TSGA10: variants seen among roughly 807,000 people sequenced by gnomAD.
The protein encoded by TSGA10 is testis-specific gene 10 protein.
In TSGA10, 43 loss-of-function variants were observed where a neutral mutation model predicts 96.6. The ratio of observed to expected loss-of-function variants is 0.44; its 90% CI spans 0.35 to 0.57. The LOEUF is 0.57. TSGA10 is among the 20% of genes least tolerant of loss of function. The pLI, the probability that TSGA10 is intolerant of heterozygous loss-of-function variation, is 0.01. For synonymous variants in TSGA10, 229 were observed against 269.9 expected, an observed-to-expected ratio of 0.85 and a Z score of 1.48; for missense variants, 703 against 834.4, an observed-to-expected ratio of 0.84 and a Z score of 1.94.
intron 15 of TSGA10, among the ~76,000 whole-genome samples, chr2:99,065,678 T>G (rs1049576462): frequency 4.6e-5 from 7 of 152,232 alleles, no homozygotes; most frequent in Admixed American, 6.5e-5. Flanking sequence ...ATGATTATCT[T>G]TTACCTGCTA....
intron 1 of TSGA10, among the ~76,000 whole-genome samples, chr2:99,129,622 T>C (rs946553395): frequency 1.3e-5 from 2 of 152,210 alleles, no homozygotes; most frequent in Non-Finnish European, 2.9e-5. Context: ...CCATGCCTGG[T>C]CTGCCAGCTT....
At chr2:99,149,204 C>T (rs1032821941) in intron 1 of TSGA10, among the ~76,000 whole-genome samples, 1 of 150,444 alleles carries the variant, frequency 6.6e-6, no homozygotes, top group Admixed American at 6.6e-5. Context: ...GGATTTCGAT[C>T]GAAGCTGTGG....
intron 6 of TSGA10, among the ~76,000 whole-genome samples, 193 bp downstream of exon 6, chr2:99,109,196 T>C (rs1459976671): frequency 6.6e-6 from 1 of 152,228 alleles, no homozygotes; most frequent in Non-Finnish European, 1.5e-5. Context: ...TCCCAAGTGC[T>C]AATTATGCTG....
At chr2:99,053,795 A>G (rs1573895204) in intron 16 of TSGA10, among the ~76,000 whole-genome samples, 1 of 152,208 alleles carries the variant, frequency 6.6e-6, no homozygotes, top group East Asian at 1.9e-4. Flanking sequence ...AATAAAATCA[A>G]TAAAACAATC....
At chr2:99,005,189 C>T (rs2104820106) in intron 20 of TSGA10, among the ~76,000 whole-genome samples, 1 of 152,298 alleles carries the variant, frequency 6.6e-6, no homozygotes, top group African/African-American at 2.4e-5. Context: ...CAGTATCATA[C>T]TGAATGGGCA....
intron 15 of TSGA10, among the ~76,000 whole-genome samples, chr2:99,065,898 GA>G (rs796622502): frequency 6.6e-6 from 1 of 152,020 alleles, no homozygotes; most frequent in Non-Finnish European, 1.5e-5. Context: ...AATAAGGAGG[GA>G]AAAAAATTCA....
At chr2:99,063,265 A>G (rs564585402) in intron 16 of TSGA10, among the ~76,000 whole-genome samples, 8 of 152,226 alleles carry the variant, frequency 5.3e-5, no homozygotes, top group Non-Finnish European at 1.2e-4. Flanking sequence ...AAACATTTAG[A>G]AGAACTTTTA....
Position 99,044,534 on chromosome 2 carries a change from C to T in TSGA10, c.1405-9095G>A, listed in dbSNP as rs1022692020. ...TACAGGAACACCCAGATTCATAAAA[C>T]AAGTTCTTAAAGACCTATGAGAGAC... On this transcript the variant is annotated intron_variant, in intron 16 of 20. Coordinates refer to ENST00000393483, the MANE Select transcript of TSGA10 (RefSeq NM_025244.4). 2.6e-5 allele frequency among the ~76,000 whole-genome samples: 4 copies of T among 152,086 alleles called. No homozygotes were observed. The East Asian group carries it at 5.8e-4, about 22-fold the overall frequency.
chr2:99,073,995 CTTTTCTTTTTTTTTTTT>C (rs1251545300), intron 12 of TSGA10, among the ~76,000 whole-genome samples: 4 of 36,138 alleles, frequency 1.1e-4, no homozygotes, highest in Non-Finnish European at 1.9e-4. Context: ...GTTCCTGTTT[CTTTTCTTTTTTTTTTTT>C]TTTTTTTTTT....
rs375324514 is a variant in TSGA10 at position 98,998,176 on chromosome 2, T to A, written c.*21A>T. 7 of 1,595,038 alleles carry A rather than the reference T, an allele frequency of 4.4e-6. No individual in the cohort carries two copies. The highest frequency in any genetic ancestry group is 6.0e-6 in the Non-Finnish European group (7 of 1,173,294). On this transcript the variant is annotated 3_prime_UTR_variant, in exon 21 of 21. Transcript: ENST00000393483. ...TTGTAACTTTGACCTTTCTCAGGGA[T>A]GTGAAGAATCATTTCAGGTGTCAGA...
At chr2:99,042,581 T>C (rs1226517183) in intron 16 of TSGA10, among the ~76,000 whole-genome samples, 1 of 152,178 alleles carries the variant, frequency 6.6e-6, no homozygotes, top group Non-Finnish European at 1.5e-5. Flanking sequence ...CAGGAGCAGA[T>C]CTCTTACAAC....
chr2:99,064,860 A>G (rs1429687861), intron 16 of TSGA10, 79 bp downstream of exon 16: 2 of 1,240,840 alleles, frequency 1.6e-6, no homozygotes, highest in Non-Finnish European at 2.2e-6. Context: ...TTGTTCATAC[A>G]TTTAATTTAT....
chr2:99,103,428 C>A (rs559943330), intron 10 of TSGA10, among the ~76,000 whole-genome samples: 17 of 152,222 alleles, frequency 1.1e-4, no homozygotes, highest in Non-Finnish European at 2.5e-4. Flanking sequence ...AAGCTTATTG[C>A]TGTAGGCTGC....
At chr2:99,005,272 C>T (rs1301092666) in intron 20 of TSGA10, among the ~76,000 whole-genome samples, 2 of 152,096 alleles carry the variant, frequency 1.3e-5, no homozygotes, top group Admixed American at 1.3e-4. Context: ...ATTCAACATT[C>T]TGTTGGAAGT....
intron 16 of TSGA10, among the ~76,000 whole-genome samples, chr2:99,043,174 A>AT (rs1260998868): frequency 2.6e-5 from 3 of 117,082 alleles, no homozygotes; most frequent in Admixed American, 1.7e-4. Context: ...AGATTATAAA[A>AT]AAATATATAA....
chr2:99,110,465 A>G (rs1417169233), intron 5 of TSGA10, among the ~76,000 whole-genome samples: 2 of 152,242 alleles, frequency 1.3e-5, no homozygotes, highest in Admixed American at 6.5e-5. Context: ...GATAAATAAA[A>G]CATTGTTTGG....
At chr2:99,055,860 C>CAAAAAAAAA (rs59969222) in intron 16 of TSGA10, among the ~76,000 whole-genome samples, 3 of 90,810 alleles carry the variant, frequency 3.3e-5, no homozygotes, top group South Asian at 3.8e-4. Flanking sequence ...ATCCAATTAA[C>CAAAAAAAAA]AAAAAAAAAA....
intron 1 of TSGA10, among the ~76,000 whole-genome samples, chr2:99,143,158 T>G (rs112964172): frequency 1.1e-5 from 1 of 88,528 alleles, no homozygotes; most frequent in East Asian, 5.5e-4. Flanking sequence ...TTTTTTTTTT[T>G]TGAGACAGAG....
At chr2:99,135,199 G>A (rs559489808) in intron 1 of TSGA10, among the ~76,000 whole-genome samples, 4 of 152,342 alleles carry the variant, frequency 2.6e-5, no homozygotes, top group African/African-American at 9.6e-5. Context: ...CCTTCCCCCA[G>A]GTGCTCTGTC....
Sources: gnomAD v4.1 joint callset for allele counts (sites outside exome capture counted in the v4.1 genomes callset) on GRCh38, gnomAD v4.1.1 for gene constraint, MANE v1.5 for transcripts, NCBI Gene and HGNC (gene_info 2026-07-23, HGNC 2026-07-21) for gene names.